INPP4B: variants seen among roughly 807,000 people sequenced by gnomAD.
INPP4B encodes inositol polyphosphate 4-phosphatase type II.
A neutral mutation model predicts 122.5 loss-of-function variants in INPP4B; 55 were observed. That is an observed-to-expected ratio of 0.45 (90% CI 0.36 to 0.56). The LOEUF (loss-of-function observed/expected upper bound fraction) is 0.56, where lower values mean the gene tolerates loss of function less well. INPP4B is among the 20% of genes least tolerant of loss of function. INPP4B has a pLI of 0.00. For missense variants in INPP4B, 1,000 were observed against 1,097.7 expected (o/e 0.91, Z 1.26); for synonymous variants, 403 against 388.7 (o/e 1.04, Z -0.43).
rs773542516 is a variant in INPP4B at position 142,098,036 on chromosome 4, C to T, written c.2374+10057G>A. The stretch of plus-strand genomic sequence containing the variant: ...AAACTTTAAGAGAGAAGGGTTCCAG[C>T]GGGCAAGAGATTGCAATTTTAAAGA... On this transcript the variant is annotated intron_variant, in intron 23 of 25. Coordinates refer to ENST00000262992, the MANE Select transcript of INPP4B (RefSeq NM_001101669.3). Among the ~76,000 whole-genome samples, 14 of 152,024 alleles carry T rather than the reference C, an allele frequency of 9.2e-5. 1 individual carries two copies. Among genetic ancestry groups the T allele is most frequent in the South Asian group, 8.3e-4 (4 of 4,820 alleles).
intron 7 of INPP4B, among the ~76,000 whole-genome samples, chr4:142,397,606 G>A (rs1486945328): frequency 1.3e-5 from 2 of 152,090 alleles, no homozygotes; most frequent in East Asian, 1.9e-4. Flanking sequence ...TTGGGAGGCC[G>A]AAGCGGACGG....
At chr4:142,553,416 G>C (rs1268659216) in intron 2 of INPP4B, among the ~76,000 whole-genome samples, 2 of 152,152 alleles carry the variant, frequency 1.3e-5, no homozygotes, top group Admixed American at 1.3e-4. Flanking sequence ...CTTCCACAAA[G>C]CAGCTTGTAG....
intron 2 of INPP4B, among the ~76,000 whole-genome samples, chr4:142,635,115 A>G (rs1748819451): frequency 6.6e-6 from 1 of 152,190 alleles, no homozygotes; most frequent in Admixed American, 6.6e-5. Flanking sequence ...AAAGCTCAAT[A>G]TTACTGATCA....
intron 7 of INPP4B, among the ~76,000 whole-genome samples, chr4:142,358,679 G>A (rs1275463796): frequency 2.0e-5 from 3 of 149,348 alleles, no homozygotes; most frequent in Admixed American, 1.3e-4. Context: ...AAACTCCCAG[G>A]TGATTCCAGC....
chr4:142,783,080 T>A (rs935128608), intron 1 of INPP4B, among the ~76,000 whole-genome samples: 7 of 151,784 alleles, frequency 4.6e-5, no homozygotes, highest in Admixed American at 3.9e-4. Context: ...AACCTAGGCA[T>A]TACCATTCAG....
At chr4:142,142,937 A>T (rs1040127228) in intron 18 of INPP4B, among the ~76,000 whole-genome samples, 4 of 152,038 alleles carry the variant, frequency 2.6e-5, no homozygotes, top group African/African-American at 9.7e-5. Flanking sequence ...AGATCAACAG[A>T]TGGTAGAACA....
At chr4:142,270,349 T>C (rs952090761) in intron 10 of INPP4B, among the ~76,000 whole-genome samples, 7 of 152,184 alleles carry the variant, frequency 4.6e-5, no homozygotes, top group African/African-American at 1.7e-4. Context: ...GCATCTCACA[T>C]AGAGTTAATT....
chr4:142,087,759 A>T (rs1777542977), intron 23 of INPP4B, among the ~76,000 whole-genome samples: 1 of 152,212 alleles, frequency 6.6e-6, no homozygotes, highest in Admixed American at 6.5e-5. Flanking sequence ...AAAATAATAT[A>T]TCTGAATAGT....
At chr4:142,146,128 C>T in intron 17 of INPP4B, 132 bp from the exon 18 acceptor site, 1 of 976,148 alleles carries the variant, frequency 1.0e-6, no homozygotes, top group Non-Finnish European at 1.5e-6. Context: ...TCTAAATTCC[C>T]ATTAATTTGG....
chr4:142,051,499 T>C (rs1754574592), intron 25 of INPP4B, among the ~76,000 whole-genome samples: 1 of 152,038 alleles, frequency 6.6e-6, no homozygotes, highest in Non-Finnish European at 1.5e-5. Flanking sequence ...CGGTTTTTGC[T>C]TTATAATTAT....
At chr4:142,605,536 G>C (rs895722037) in intron 2 of INPP4B, among the ~76,000 whole-genome samples, 11 of 151,630 alleles carry the variant, frequency 7.3e-5, no homozygotes, top group Non-Finnish European at 1.6e-4. Flanking sequence ...ATCCAACAGG[G>C]GACTGCTCTT....
chr4:142,781,535 T>C (rs542544241), intron 1 of INPP4B, among the ~76,000 whole-genome samples: 83 of 152,328 alleles, frequency 5.4e-4, no homozygotes, highest in Non-Finnish European at 6.5e-4. Context: ...TCTGACCATT[T>C]ACTGGCATCG....
At position 142,705,215 on chromosome 4, in the gene INPP4B, T is replaced by A. The variant is rs571396314; in HGVS notation, c.-191+20624A>T. ...GCCCTGGATTAGATGGGAACCTTGATGTTCAGGACCATCGGTTCTCTATTG... is the reference window on the plus strand; with the variant it reads ...GCCCTGGATTAGATGGGAACCTTGAAGTTCAGGACCATCGGTTCTCTATTG... On this transcript the variant is annotated intron_variant, in intron 2 of 25. Transcript: ENST00000262992. 3.1e-4 allele frequency among the ~76,000 whole-genome samples: 47 copies of A among 152,298 alleles called. 1 individual carries two copies. The South Asian group carries it at 9.3e-3, about 30-fold the overall frequency.
intron 1 of INPP4B, among the ~76,000 whole-genome samples, chr4:142,727,173 G>T (rs940384055): frequency 1.3e-5 from 2 of 152,164 alleles, no homozygotes; most frequent in Non-Finnish European, 2.9e-5. Context: ...GGGTGAAAAA[G>T]ATTGAATAGC....
At chr4:142,031,205 C>CTCAA (rs1175893755) in intron 25 of INPP4B, among the ~76,000 whole-genome samples, 3 of 152,086 alleles carry the variant, frequency 2.0e-5, no homozygotes, top group African/African-American at 7.2e-5. Context: ...TATTAAGAAT[C>CTCAA]TCAATCACAT....
chr4:142,587,325 A>G (rs1238846955), intron 2 of INPP4B, among the ~76,000 whole-genome samples: 3 of 152,096 alleles, frequency 2.0e-5, no homozygotes, highest in Non-Finnish European at 4.4e-5. Flanking sequence ...GTATATATTT[A>G]TGATGTTTGA....
chr4:142,646,982 CA>C (rs1162905051), intron 2 of INPP4B, among the ~76,000 whole-genome samples: 2 of 152,136 alleles, frequency 1.3e-5, no homozygotes. Flanking sequence ...ACTGTAAACA[CA>C]ATACAATGAT....
intron 2 of INPP4B, among the ~76,000 whole-genome samples, chr4:142,587,076 T>C (rs1217722370): frequency 6.6e-6 from 1 of 152,126 alleles, no homozygotes; most frequent in African/African-American, 2.4e-5. Flanking sequence ...TGTGAATAAG[T>C]TTATGGATAT....
chr4:142,497,174 C>T (rs72946865), intron 2 of INPP4B, among the ~76,000 whole-genome samples: 6,903 of 152,092 alleles, frequency 0.045, 194 homozygotes, highest in Middle Eastern at 0.078. Context: ...ATAAAATAGG[C>T]CTTTTTACCT....
Sources: gnomAD v4.1 joint callset for allele counts (sites outside exome capture counted in the v4.1 genomes callset) on GRCh38, gnomAD v4.1.1 for gene constraint, MANE v1.5 for transcripts, NCBI Gene and HGNC (gene_info 2026-07-23, HGNC 2026-07-21) for gene names.